Variants in EYS observed in about 807,000 individuals in gnomAD.
EYS encodes EGF-like photoreceptor maintenance factor, also known as protein eyes shut homolog.
A neutral mutation model predicts 282.1 loss-of-function variants in EYS; 250 were observed. The ratio of observed to expected loss-of-function variants is 0.89; its 90% CI spans 0.80 to 0.98. The LOEUF (loss-of-function observed/expected upper bound fraction) is 0.98, where lower values mean the gene tolerates loss of function less well. Among genes scored for constraint, EYS ranks in the 50% least tolerant of loss-of-function variants. EYS has a pLI of 0.00. For missense variants in EYS, 4,016 were observed against 3,709.0 expected, an observed-to-expected ratio of 1.08 and a Z score of -2.15; for synonymous variants, 1,355 against 1,282.9, an observed-to-expected ratio of 1.06 and a Z score of -1.20.
At chr6:64,457,921 TTTTTA>T (rs923585937) in intron 26 of EYS, among the ~76,000 whole-genome samples, 1 of 152,014 alleles carries the variant, frequency 6.6e-6, no homozygotes, top group Non-Finnish European at 1.5e-5. Context: ...TTCTTGTTGC[TTTTTA>T]TTTTGTTTGT....
At chr6:64,118,095 A>G (rs1362268266) in intron 31 of EYS, among the ~76,000 whole-genome samples, 1 of 152,074 alleles carries the variant, frequency 6.6e-6, no homozygotes, top group Non-Finnish European at 1.5e-5. Context: ...AATAATAAAT[A>G]TTGTTAAAAT....
intron 2 of EYS, among the ~76,000 whole-genome samples, chr6:65,636,947 G>A (rs1041194710): frequency 6.6e-6 from 1 of 152,082 alleles, no homozygotes; most frequent in Non-Finnish European, 1.5e-5. Flanking sequence ...GAATAGCTGG[G>A]ACTACCAGTT....
At chr6:65,448,583 T>C (rs1764279257) in intron 5 of EYS, among the ~76,000 whole-genome samples, 1 of 152,034 alleles carries the variant, frequency 6.6e-6, no homozygotes, top group South Asian at 2.1e-4. Context: ...CCTTCAAAGA[T>C]AAACACAATA....
intron 5 of EYS, among the ~76,000 whole-genome samples, chr6:65,452,892 G>C (rs1764457314): frequency 1.3e-5 from 2 of 151,944 alleles, no homozygotes; most frequent in South Asian, 4.1e-4. Context: ...ACTGTAACAG[G>C]CAATCAATCT....
At chr6:64,707,672 A>G (rs887008428) in intron 22 of EYS, among the ~76,000 whole-genome samples, 9 of 151,666 alleles carry the variant, frequency 5.9e-5, no homozygotes, top group Non-Finnish European at 8.8e-5. Flanking sequence ...TCAAAAAAAA[A>G]AAAAAAAAAA....
At chr6:64,985,967 G>A (rs558975949) in intron 14 of EYS, among the ~76,000 whole-genome samples, 288 of 151,566 alleles carry the variant, frequency 1.9e-3, no homozygotes, top group African/African-American at 6.3e-3. Context: ...ATCCAGCTAC[G>A]TTCTGTCACA....
chr6:63,991,208 G>A (rs541643340), intron 34 of EYS, among the ~76,000 whole-genome samples: 72 of 151,754 alleles, frequency 4.7e-4, no homozygotes, highest in African/African-American at 1.6e-3. Flanking sequence ...AGGAAACACT[G>A]GAGAGGACCT....
chr6:64,645,006 T>C (rs1768299611), intron 22 of EYS, among the ~76,000 whole-genome samples: 1 of 152,190 alleles, frequency 6.6e-6, no homozygotes, highest in South Asian at 2.1e-4. Flanking sequence ...TCACATTTAG[T>C]GAGTAAACAA....
chr6:64,675,735 G>T (rs1274845107), intron 22 of EYS, among the ~76,000 whole-genome samples: 1 of 151,518 alleles, frequency 6.6e-6, no homozygotes, highest in Non-Finnish European at 1.5e-5. Flanking sequence ...GCCTGTGATT[G>T]GAAACTTTTC....
chr6:64,330,074 C>T (rs905799078), intron 29 of EYS, among the ~76,000 whole-genome samples: 13 of 152,122 alleles, frequency 8.5e-5, no homozygotes, highest in Admixed American at 3.3e-4. Flanking sequence ...AAGTGACCGC[C>T]GTGTCCTGTT....
intron 37 of EYS, among the ~76,000 whole-genome samples, chr6:63,805,591 A>G (rs1232333997): frequency 6.6e-6 from 1 of 152,168 alleles, no homozygotes; most frequent in East Asian, 1.9e-4. Flanking sequence ...TCTTTTGATT[A>G]TGAAAGGTAG....
At chr6:64,607,722 G>T (rs1341654899) in intron 24 of EYS, among the ~76,000 whole-genome samples, 2 of 152,116 alleles carry the variant, frequency 1.3e-5, no homozygotes, top group Non-Finnish European at 2.9e-5. Flanking sequence ...CTCACCAAAA[G>T]AAATCTGAGT....
intron 12 of EYS, among the ~76,000 whole-genome samples, chr6:65,195,988 A>G (rs1055314996): frequency 6.6e-6 from 1 of 152,102 alleles, no homozygotes; most frequent in Non-Finnish European, 1.5e-5. Context: ...TGGAAAGGAC[A>G]TTATTTCAAC....
At chr6:64,201,572 A>G (rs1025639648) in intron 31 of EYS, among the ~76,000 whole-genome samples, 1 of 152,154 alleles carries the variant, frequency 6.6e-6, no homozygotes, top group African/African-American at 2.4e-5. Context: ...ATGACCTGGA[A>G]TATAAGAGGC....
chr6:64,982,765 T>C (rs1770720415), intron 14 of EYS, among the ~76,000 whole-genome samples: 1 of 151,252 alleles, frequency 6.6e-6, no homozygotes. Context: ...ATATTAAAGA[T>C]TTTGTTTATA....
chr6:63,722,616 A>G (rs532867803), intron 42 of EYS, among the ~76,000 whole-genome samples: 6 of 152,344 alleles, frequency 3.9e-5, no homozygotes, highest in Admixed American at 2.0e-4. Flanking sequence ...AAAATGACTT[A>G]TTAATAATGA....
At chr6:64,592,680 G>A (rs1420091955) in intron 25 of EYS, among the ~76,000 whole-genome samples, 1 of 152,068 alleles carries the variant, frequency 6.6e-6, no homozygotes, top group Non-Finnish European at 1.5e-5. Context: ...AAAACAGCCT[G>A]AAGTTGTTAA....
intron 29 of EYS, among the ~76,000 whole-genome samples, chr6:64,328,920 C>T (rs1211182673): frequency 6.6e-6 from 1 of 152,098 alleles, no homozygotes; most frequent in Admixed American, 6.6e-5. Flanking sequence ...AGATGGGACA[C>T]TGAAGAATGA....
chr6:64,741,897 T>C (rs539775340), intron 22 of EYS, among the ~76,000 whole-genome samples: 1 of 152,302 alleles, frequency 6.6e-6, no homozygotes, highest in South Asian at 2.1e-4. Flanking sequence ...TCACTAAAAC[T>C]TTCTTCCTAG....
Sources: allele counts gnomAD v4.1 joint callset (sites outside exome capture counted in the v4.1 genomes callset), GRCh38; gene constraint gnomAD v4.1.1; transcripts MANE v1.5; gene names NCBI Gene and HGNC (gene_info 2026-07-23, HGNC 2026-07-21).